MTERF4: variants seen among roughly 807,000 people sequenced by gnomAD.
The protein encoded by MTERF4 is mitochondrial transcription termination factor 4, also known as transcription termination factor 4, mitochondrial.
MTERF4 carries 17 observed loss-of-function variants against 22.5 expected under a neutral mutation model. The ratio of observed to expected loss-of-function variants is 0.75; its 90% confidence interval spans 0.52 to 1.13. The LOEUF (loss-of-function observed/expected upper bound fraction) is 1.13, where lower values mean the gene tolerates loss of function less well. MTERF4 is among the 50% of genes most tolerant of loss of function. The probability of loss-of-function intolerance (pLI) is 0.00; values close to 1 mark genes in which losing one functional copy is unlikely to be tolerated. For missense variants in MTERF4, 420 were observed against 466.8 expected (o/e 0.90, Z 0.92); for synonymous variants, 165 against 175.3 (o/e 0.94, Z 0.47).
downstream of MTERF4, chr2:241,069,092 C>G: frequency 3.7e-6 from 4 of 1,080,236 alleles, no homozygotes; most frequent in Non-Finnish European, 5.4e-6. This position sits in a 1 kb window ranked among gnomAD's most constrained non-coding sequence, Gnocchi z 4.9. Context: ...TCCTTCCAGC[C>G]TCCCCTAGTC....
At chr2:241,087,349 T>C (rs760773814), downstream of MTERF4, 1 of 1,548,778 alleles carries the variant, frequency 6.5e-7, no homozygotes, top group South Asian at 1.2e-5. Flanking sequence ...TGGCAACATT[T>C]TGCTTCACTG....
chr2:241,058,711 G>C, the MTERF4 span, among the ~76,000 whole-genome samples: 1 of 152,188 alleles, frequency 6.6e-6, no homozygotes, highest in East Asian at 1.9e-4. Context: ...AGCACTTTAG[G>C]AGGCCGAGGC....
At chr2:241,058,095 T>C in the MTERF4 span, among the ~76,000 whole-genome samples, 6 of 151,640 alleles carry the variant, frequency 4.0e-5, no homozygotes, top group Non-Finnish European at 7.4e-5. Context: ...AGAATGAAAG[T>C]GAAAGGAAAA....
At chr2:241,064,401 G>A in the MTERF4 span, among the ~76,000 whole-genome samples, 375 of 152,200 alleles carry the variant, frequency 2.5e-3, 1 homozygote, top group African/African-American at 8.8e-3. This position sits in a 1 kb window ranked among gnomAD's most constrained non-coding sequence, Gnocchi z 7.0. Flanking sequence ...GGGGCCTCAC[G>A]TCCACACATA....
At chr2:241,076,775 C>T (rs1044691986) in intron 4 of MTERF4, among the ~76,000 whole-genome samples, 5 of 151,062 alleles carry the variant, frequency 3.3e-5, no homozygotes, top group African/African-American at 9.7e-5. Flanking sequence ...CGGGGGCTCA[C>T]GCCTGTAATC....
intron 1 of MTERF4, among the ~76,000 whole-genome samples, chr2:241,100,531 A>G (rs2064656761): frequency 6.6e-6 from 1 of 152,046 alleles, no homozygotes; most frequent in Non-Finnish European, 1.5e-5. Flanking sequence ...TGGTGCAATC[A>G]TGGCTCACTG....
At chr2:241,086,436 C>T (rs1318881608), downstream of MTERF4, among the ~76,000 whole-genome samples, 3 of 152,164 alleles carry the variant, frequency 2.0e-5, no homozygotes, top group Admixed American at 6.5e-5. Flanking sequence ...TCAGTGTGAC[C>T]ACTGCTTGGA....
chr2:241,065,202 C>T, the MTERF4 span: 2 of 1,298,688 alleles, frequency 1.5e-6, no homozygotes, highest in Non-Finnish European at 1.1e-6. Context: ...TGTGTCAGGC[C>T]CAAGAGCCAG....
rs745932546 is a variant in MTERF4, at chr2:241,096,063, C to CGTCATCCTCATCATT, written c.1066_1080dup (p.Asn356_Asp360dup). 4.3e-6 allele frequency: 7 copies of CGTCATCCTCATCATT among 1,613,254 alleles called. No individual in the cohort carries two copies. Among genetic ancestry groups the CGTCATCCTCATCATT allele is most frequent in the African/African-American group, 2.7e-5 (2 of 74,612 alleles). On this transcript the variant is annotated inframe_insertion, in exon 4 of 4. Transcript: ENST00000391980. This position sits in a 1 kb window ranked among gnomAD's most constrained non-coding sequence, Gnocchi z 5.1. The stretch of plus-strand genomic sequence containing the variant: ...TCCGCCTCGTCGTCGTCCTCATCAT[C>CGTCATCCTCATCATT]GTCATCCTCATCATTGTCATCCTCA...
At chr2:241,054,326 C>T in the MTERF4 span, among the ~76,000 whole-genome samples, 2 of 152,174 alleles carry the variant, frequency 1.3e-5, no homozygotes, top group Non-Finnish European at 2.9e-5. Context: ...TATGTATGAT[C>T]GGAAGCAGAA....
chr2:241,068,769 C>T, downstream of MTERF4: 1 of 624,438 alleles, frequency 1.6e-6, no homozygotes, highest in Non-Finnish European at 2.9e-6. The surrounding 1 kb of genome is among the most constrained non-coding windows in gnomAD (Gnocchi z 5.3). Context: ...TGAGTCTGCC[C>T]CTCGTGGAGG....
chr2:241,066,606 G>C, the MTERF4 span, among the ~76,000 whole-genome samples: 1 of 151,518 alleles, frequency 6.6e-6, no homozygotes, highest in African/African-American at 2.4e-5. Context: ...TGAGAGCACA[G>C]ACTGCTGCGA....
chr2:241,078,472 G>T lies in MTERF4; in HGVS notation n.480-2790C>A, dbSNP rs189066623. 1.2e-3 allele frequency among the ~76,000 whole-genome samples: 180 copies of T among 151,722 alleles called. 3 individuals carry two copies. The highest frequency in any genetic ancestry group is 4.1e-3 in the African/African-American group (167 of 41,132). ...GGAACACGATTCAACCATAAAACAA[G>T]GACGCATGCTGCATGCTACAACATG... On this transcript the variant is annotated intron_variant and non_coding_transcript_variant, in intron 4 of 4. Coordinates refer to the MTERF4 transcript ENST00000464344.
At chr2:241,048,667 C>T in the MTERF4 span, 1 of 1,609,356 alleles carries the variant, frequency 6.2e-7, no homozygotes, top group East Asian at 2.2e-5. Context: ...GGCAGGAGTC[C>T]CCGATGACTG....
At chr2:241,068,921 C>A, downstream of MTERF4, 2 of 1,551,254 alleles carry the variant, frequency 1.3e-6, no homozygotes, top group South Asian at 1.2e-5. This position sits in a 1 kb window ranked among gnomAD's most constrained non-coding sequence, Gnocchi z 5.3. Flanking sequence ...GGCCCTGCTG[C>A]CTGGGAAGAG....
At chr2:241,097,111 T>G (rs939411474) in intron 3 of MTERF4, 132 bp downstream of exon 3, 5 of 1,118,926 alleles carry the variant, frequency 4.5e-6, no homozygotes, top group African/African-American at 1.6e-5. Context: ...TTCACTACAT[T>G]TGAAAAACCT....
At chr2:241,088,401 A>C, downstream of MTERF4, 1 of 1,611,544 alleles carries the variant, frequency 6.2e-7, no homozygotes, top group Non-Finnish European at 8.5e-7. Context: ...AGAAATCTTA[A>C]GGTACGTCCC....
downstream of MTERF4, chr2:241,089,391 T>C (rs1420223416): frequency 1.9e-6 from 3 of 1,550,396 alleles, no homozygotes; most frequent in East Asian, 2.4e-5. Flanking sequence ...AGAAATGTCA[T>C]TCAGGAACCT....
the MTERF4 span, among the ~76,000 whole-genome samples, chr2:241,045,089 A>G: frequency 1.3e-5 from 2 of 152,214 alleles, no homozygotes; most frequent in Non-Finnish European, 2.9e-5. Flanking sequence ...AGACTTTAGT[A>G]TAAATCTACT....
Sources: allele counts gnomAD v4.1 joint callset (sites outside exome capture counted in the v4.1 genomes callset), GRCh38; gene constraint gnomAD v4.1.1; non-coding constraint Gnocchi (gnomAD v3.1); transcripts MANE v1.5; gene names NCBI Gene and HGNC (gene_info 2026-07-23, HGNC 2026-07-21).